CSMD1: variants seen among roughly 807,000 people sequenced by gnomAD.
CSMD1 encodes CUB and sushi domain-containing protein 1.
CSMD1 carries 213 observed loss-of-function variants against 417.5 expected under a neutral mutation model. That is an observed-to-expected ratio of 0.51 (90% CI 0.46 to 0.57). The LOEUF (loss-of-function observed/expected upper bound fraction) is 0.57, where lower values mean the gene tolerates loss of function less well. Among genes scored for constraint, CSMD1 ranks in the 20% least tolerant of loss-of-function variants. The pLI is 0.00. For missense variants in CSMD1, 6,923 were observed against 4,529.7 expected, an observed-to-expected ratio of 1.53 and a Z score of -15.17; for synonymous variants, 2,862 against 1,736.8, an observed-to-expected ratio of 1.65 and a Z score of -16.11.
At chr8:4,154,487 C>T (rs1454718936) in intron 3 of CSMD1, among the ~76,000 whole-genome samples, 1 of 152,072 alleles carries the variant, frequency 6.6e-6, no homozygotes, top group African/African-American at 2.4e-5. Flanking sequence ...TGGTTTACCC[C>T]AAGTTCAAAA....
intron 5 of CSMD1, among the ~76,000 whole-genome samples, chr8:3,766,402 C>A (rs1357768855): frequency 2.0e-5 from 3 of 152,170 alleles, no homozygotes; most frequent in Non-Finnish European, 4.4e-5. Flanking sequence ...CTGTTTCTAA[C>A]CCTTGGCTGT....
intron 3 of CSMD1, among the ~76,000 whole-genome samples, chr8:4,258,311 G>C (rs1354193593): frequency 9.1e-6 from 1 of 109,518 alleles, no homozygotes; most frequent in Non-Finnish European, 1.8e-5. Flanking sequence ...AAGAGAGTGA[G>C]GGAGGAGAGG....
At chr8:3,194,409 T>G (rs145307235) in intron 33 of CSMD1, among the ~76,000 whole-genome samples, 9 of 8,070 alleles carry the variant, frequency 1.1e-3, no homozygotes, top group African/African-American at 2.6e-3. Flanking sequence ...TCTGATTAAC[T>G]ATTTTATTTT....
chr8:4,326,875 G>T (rs982337099), intron 3 of CSMD1, among the ~76,000 whole-genome samples: 1 of 152,076 alleles, frequency 6.6e-6, no homozygotes, highest in East Asian at 1.9e-4. Flanking sequence ...GATTTAACTT[G>T]GACTATTTTA....
At chr8:3,399,942 G>T (rs536431358) in intron 15 of CSMD1, among the ~76,000 whole-genome samples, 1 of 152,220 alleles carries the variant, frequency 6.6e-6, no homozygotes, top group South Asian at 2.1e-4. Flanking sequence ...ACACCCTTAG[G>T]TGTGTGTATG....
chr8:3,779,149 T>TTGTGTGTGTGTGTGTGTGTG (rs56294437), intron 5 of CSMD1, among the ~76,000 whole-genome samples: 1 of 147,434 alleles, frequency 6.8e-6, no homozygotes, highest in African/African-American at 2.5e-5. Context: ...GCGTGCATAC[T>TTGTGTGTGTGTGTGTGTGTG]TGTGTGTGTG....
chr8:4,429,215 C>T (rs912389509), intron 2 of CSMD1, among the ~76,000 whole-genome samples: 11 of 151,614 alleles, frequency 7.3e-5, no homozygotes, highest in African/African-American at 2.2e-4. Flanking sequence ...CTGCCTTACA[C>T]GAATATCTGG....
In CSMD1 at chr8:3,252,750, C is replaced by A. The variant is rs576871172; in HGVS notation, c.4154-22519G>T. Reference sequence around the variant, plus strand: ...TGCCTCAATTTCAGAGCCTGTTATTCGTCTCTTCAGAGATTCAACTTCTTC... The same window carrying A: ...TGCCTCAATTTCAGAGCCTGTTATTAGTCTCTTCAGAGATTCAACTTCTTC... On this transcript the variant is annotated intron_variant, in intron 26 of 69. Transcript: ENST00000635120. 3.9e-4 allele frequency among the ~76,000 whole-genome samples: 60 copies of A among 152,054 alleles called. 1 individual carries two copies. The highest frequency in any genetic ancestry group is 1.5e-5 in the Non-Finnish European group (1 of 67,988).
intron 3 of CSMD1, among the ~76,000 whole-genome samples, chr8:4,253,850 T>A (rs1431362217): frequency 6.8e-6 from 1 of 148,116 alleles, no homozygotes; most frequent in African/African-American, 2.4e-5. Context: ...GAGGTAACAA[T>A]ACATTTCCTG....
chr8:4,078,899 AT>A (rs1563095005), intron 3 of CSMD1, among the ~76,000 whole-genome samples: 21 of 10,304 alleles, frequency 2.0e-3, no homozygotes, highest in East Asian at 5.3e-3. Context: ...AATAATAAAT[AT>A]ATATATATAT....
intron 7 of CSMD1, among the ~76,000 whole-genome samples, chr8:3,670,696 G>A (rs985355314): frequency 1.4e-5 from 2 of 142,048 alleles, no homozygotes; most frequent in African/African-American, 5.3e-5. Flanking sequence ...TGGGATATAT[G>A]TATATGGGAT....
chr8:3,137,625 T>A (rs577946446), intron 41 of CSMD1, among the ~76,000 whole-genome samples: 1 of 152,362 alleles, frequency 6.6e-6, no homozygotes, highest in Admixed American at 6.5e-5. Flanking sequence ...TCATAAAATC[T>A]AAGCACACTC....
chr8:3,203,052 G>T (rs1330115018), intron 31 of CSMD1, among the ~76,000 whole-genome samples: 1 of 152,060 alleles, frequency 6.6e-6, no homozygotes, highest in African/African-American at 2.4e-5. Flanking sequence ...CAAAACTTGG[G>T]TCACAAAAGT....
intron 2 of CSMD1, among the ~76,000 whole-genome samples, chr8:4,581,287 C>G (rs772422990): frequency 2.6e-5 from 4 of 152,130 alleles, no homozygotes; most frequent in Admixed American, 6.5e-5. Flanking sequence ...GAAAAAAGAA[C>G]AAGACACATG....
intron 41 of CSMD1, among the ~76,000 whole-genome samples, chr8:3,137,122 C>G (rs907737473): frequency 6.6e-6 from 1 of 152,154 alleles, no homozygotes; most frequent in African/African-American, 2.4e-5. Flanking sequence ...CAATATCCTC[C>G]TGGCTCTGTG....
rs1035224422 is a variant in CSMD1 at position 4,549,807 on chromosome 8, G to T, written c.302+87535C>A. ...AGCTACTTGGGAGGCTGAGGCAGGA[G>T]AATCGCTTCAGCCCAGGAGGCAGAG... On this transcript the variant is annotated intron_variant, in intron 2 of 69. Transcript: ENST00000635120. Among the ~76,000 whole-genome samples the T allele has an allele frequency of 3.6e-5, 5 of 139,086 alleles. No homozygotes were observed. The South Asian group carries it at 9.4e-4, about 26-fold the overall frequency. 91.2% of individuals were successfully genotyped at this position (139,086 alleles called of 152,430 possible). A position where few individuals can be genotyped will look rare whatever the true frequency, so the allele number is the denominator to read the frequency against.
In CSMD1 at chr8:4,595,631, G is replaced by A. The variant is rs539470621; in HGVS notation, c.302+41711C>T. Among the ~76,000 whole-genome samples, 323 of 152,220 alleles carry A rather than the reference G, an allele frequency of 2.1e-3. 3 individuals are homozygous for A. Among genetic ancestry groups the A allele is most frequent in the African/African-American group, 7.0e-3 (292 of 41,546 alleles). On this transcript the variant is annotated intron_variant, in intron 2 of 69. Transcript: ENST00000635120. ...AGTATAACCAGTGAAGCTGGGTACT[G>A]CGATGCATGTCTGTAGTCCCAGCTA...
chr8:4,670,323 C>A (rs546665471), intron 1 of CSMD1, among the ~76,000 whole-genome samples: 1 of 152,238 alleles, frequency 6.6e-6, no homozygotes, highest in South Asian at 2.1e-4. Context: ...TAGGGAATAG[C>A]TGACTTTGTC....
At chr8:3,775,724 A>G (rs1205835312) in intron 5 of CSMD1, among the ~76,000 whole-genome samples, 3 of 152,234 alleles carry the variant, frequency 2.0e-5, no homozygotes, top group African/African-American at 7.2e-5. Context: ...GCAAACACAC[A>G]GTTCAAATGA....
Sources: gnomAD v4.1 joint callset for allele counts (sites outside exome capture counted in the v4.1 genomes callset) on GRCh38, gnomAD v4.1.1 for gene constraint, MANE v1.5 for transcripts, NCBI Gene and HGNC (gene_info 2026-07-23, HGNC 2026-07-21) for gene names.